Variants in IGSF10 observed in about 807,000 individuals in gnomAD.
The protein encoded by IGSF10 is immunoglobulin superfamily member 10, also known as calvaria mechanical force protein 608.
A neutral mutation model predicts 128.2 loss-of-function variants in IGSF10; 126 were observed. The ratio of observed to expected loss-of-function variants is 0.98; its 90% confidence interval spans 0.85 to 1.14. IGSF10 has a LOEUF of 1.14. IGSF10 is among the 50% of genes most tolerant of loss of function. The pLI is 0.00. For missense variants in IGSF10, 3,295 were observed against 3,149.8 expected (o/e 1.05, Z -1.10); for synonymous variants, 1,185 against 1,146.2 (o/e 1.03, Z -0.68).
the IGSF10 span, among the ~76,000 whole-genome samples, chr3:151,553,999 A>G: frequency 2.0e-5 from 3 of 151,786 alleles, no homozygotes; most frequent in African/African-American, 7.3e-5. Context: ...GAAAAATAGT[A>G]GCCAGACACA....
At chr3:151,591,780 A>G in the IGSF10 span, among the ~76,000 whole-genome samples, 1 of 152,170 alleles carries the variant, frequency 6.6e-6, no homozygotes, top group Non-Finnish European at 1.5e-5. Flanking sequence ...GAAGTCCTGG[A>G]AAGAGGAAGA....
the IGSF10 span, among the ~76,000 whole-genome samples, chr3:151,517,337 A>G: frequency 5.3e-5 from 8 of 152,140 alleles, no homozygotes; most frequent in South Asian, 1.5e-3. Context: ...TAGACTGTTT[A>G]GCTCATTCTT....
intron 7 of IGSF10, chr3:151,440,832 A>T (rs1401184822): frequency 3.2e-6 from 1 of 307,798 alleles, no homozygotes; most frequent in South Asian, 2.8e-5. Context: ...CACTGTTCTA[A>T]CTGGGTTCTC....
the IGSF10 span, among the ~76,000 whole-genome samples, chr3:151,569,314 C>A: frequency 6.6e-6 from 1 of 152,122 alleles, no homozygotes. Flanking sequence ...TTAAGAGATC[C>A]ACCCACCTCA....
chr3:151,506,641 T>C, the IGSF10 span, among the ~76,000 whole-genome samples: 2 of 152,156 alleles, frequency 1.3e-5, no homozygotes, highest in East Asian at 3.9e-4. Flanking sequence ...TGATCAAATG[T>C]AGGCCTAAAT....
chr3:151,449,718 A>C (rs1159593601), intron 5 of IGSF10, among the ~76,000 whole-genome samples: 1 of 152,236 alleles, frequency 6.6e-6, no homozygotes, highest in Non-Finnish European at 1.5e-5. Flanking sequence ...AGGATTATTT[A>C]TAATTCCTTG....
At chr3:151,606,958 A>G in the IGSF10 span, among the ~76,000 whole-genome samples, 1 of 152,176 alleles carries the variant, frequency 6.6e-6, no homozygotes, top group Non-Finnish European at 1.5e-5. Flanking sequence ...ACAGTATTGT[A>G]ATTGTCAATG....
chr3:151,492,365 G>T, the IGSF10 span, among the ~76,000 whole-genome samples: 2 of 152,132 alleles, frequency 1.3e-5, no homozygotes, highest in African/African-American at 4.8e-5. Flanking sequence ...ATAAATGTTG[G>T]CGAGGATATG....
chr3:151,474,564 C>G, the IGSF10 span, among the ~76,000 whole-genome samples: 1 of 152,218 alleles, frequency 6.6e-6, no homozygotes, highest in Admixed American at 6.5e-5. Flanking sequence ...GTCGCTCTCA[C>G]ACTCCAAATG....
At chr3:151,460,906 T>C (rs1328683398) in intron 1 of IGSF10, 40 bp downstream of exon 1, 2 of 984,338 alleles carry the variant, frequency 2.0e-6, no homozygotes, top group Non-Finnish European at 1.2e-6. Context: ...CGGCGTGGGG[T>C]TCCAGCCCTT....
At chr3:151,579,633 T>C in the IGSF10 span, among the ~76,000 whole-genome samples, 3 of 149,538 alleles carry the variant, frequency 2.0e-5, no homozygotes, top group African/African-American at 7.3e-5. Flanking sequence ...ATTCAAAAAC[T>C]GTGGGGCAAT....
At chr3:151,547,306 C>G in the IGSF10 span, among the ~76,000 whole-genome samples, 1 of 152,050 alleles carries the variant, frequency 6.6e-6, no homozygotes, top group Non-Finnish European at 1.5e-5. Context: ...ATGCTTTTCA[C>G]AGCTGAGCAA....
At chr3:151,514,512 C>T in the IGSF10 span, among the ~76,000 whole-genome samples, 1 of 152,134 alleles carries the variant, frequency 6.6e-6, no homozygotes, top group African/African-American at 2.4e-5. Flanking sequence ...ACCATAAAAA[C>T]CCTAGAAGAA....
the IGSF10 span, among the ~76,000 whole-genome samples, chr3:151,502,599 T>C: frequency 2.0e-5 from 3 of 152,010 alleles, no homozygotes; most frequent in African/African-American, 4.8e-5. Flanking sequence ...TTATAATGGC[T>C]CAACCCTCCA....
chr3:151,525,790 G>A, the IGSF10 span, among the ~76,000 whole-genome samples: 6 of 152,100 alleles, frequency 3.9e-5, no homozygotes, highest in African/African-American at 1.4e-4. Flanking sequence ...TGCCAAATTG[G>A]TCAGGCCCAC....
At chr3:151,496,977 C>G in the IGSF10 span, among the ~76,000 whole-genome samples, 5 of 152,214 alleles carry the variant, frequency 3.3e-5, no homozygotes, top group Middle Eastern at 0.01. Flanking sequence ...TAAATGTCTT[C>G]TTTTGAGAAG....
chr3:151,530,869 A>T, the IGSF10 span, among the ~76,000 whole-genome samples: 1 of 152,204 alleles, frequency 6.6e-6, no homozygotes, highest in Non-Finnish European at 1.5e-5. Flanking sequence ...TAACAATATT[A>T]ATCTTAAATG....
the IGSF10 span, among the ~76,000 whole-genome samples, chr3:151,601,438 C>CA: frequency 3.3e-5 from 5 of 152,286 alleles, no homozygotes; most frequent in East Asian, 9.6e-4. Context: ...CACACGCACA[C>CA]ACACATGCTT....
At chr3:151,599,035 G>A in the IGSF10 span, among the ~76,000 whole-genome samples, 9 of 152,298 alleles carry the variant, frequency 5.9e-5, no homozygotes, top group South Asian at 1.9e-3. Flanking sequence ...GAGAGAAGTG[G>A]TGAAATGGTG....
Sources: allele counts gnomAD v4.1 joint callset (sites outside exome capture counted in the v4.1 genomes callset), GRCh38; gene constraint gnomAD v4.1.1; transcripts MANE v1.5; gene names NCBI Gene and HGNC (gene_info 2026-07-23, HGNC 2026-07-21).